The following SPATS2 variants were observed in gnomAD, a reference collection of about 807,000 sequenced individuals.
SPATS2 encodes the protein spermatogenesis-associated serine-rich protein 2.
In SPATS2, 38 loss-of-function variants were observed where a neutral mutation model predicts 63.7. The observed-to-expected ratio is 0.60, with a 90% CI of 0.46 to 0.78. The LOEUF (loss-of-function observed/expected upper bound fraction) is 0.78. Among genes scored for constraint, SPATS2 ranks in the 30% least tolerant of loss-of-function variants. SPATS2 has a pLI of 0.00. For synonymous variants in SPATS2, 207 were observed against 232.9 expected (o/e 0.89, Z 1.01); for missense variants, 588 against 666.2 (o/e 0.88, Z 1.29).
chr12:49,459,918 A>G (rs1251852480), intron 2 of SPATS2, among the ~76,000 whole-genome samples: 1 of 132,448 alleles, frequency 7.6e-6, no homozygotes, highest in Non-Finnish European at 1.6e-5. Flanking sequence ...CCTGGCCAAT[A>G]TGGTGAAACC....
intron 4 of SPATS2, among the ~76,000 whole-genome samples, chr12:49,486,056 G>A (rs1030157406): frequency 1.3e-5 from 2 of 151,966 alleles, no homozygotes; most frequent in African/African-American, 4.8e-5. Flanking sequence ...ACTGCACCTG[G>A]CCTCTCTGTC....
At chr12:49,488,462 C>G (rs1946331974) in intron 4 of SPATS2, among the ~76,000 whole-genome samples, 1 of 151,784 alleles carries the variant, frequency 6.6e-6, no homozygotes, top group Non-Finnish European at 1.5e-5. Context: ...AGTTCAAGAC[C>G]AGCCTGGCCA....
At chr12:49,382,260 T>C (rs192684240) in intron 2 of SPATS2, among the ~76,000 whole-genome samples, 1 of 152,232 alleles carries the variant, frequency 6.6e-6, no homozygotes, top group Non-Finnish European at 1.5e-5. Flanking sequence ...ATAGCACTTA[T>C]CCTAGTGTAG....
intron 2 of SPATS2, chr12:49,442,400 G>T (rs1260847682): frequency 6.5e-6 from 1 of 152,908 alleles, no homozygotes. Context: ...ATAAGACAGG[G>T]TATTTGATAT....
chr12:49,378,028 A>G (rs1379248551), intron 2 of SPATS2, among the ~76,000 whole-genome samples: 1 of 152,162 alleles, frequency 6.6e-6, no homozygotes, highest in Non-Finnish European at 1.5e-5. Context: ...GCTGGAGCAC[A>G]ATGGCACGAT....
intron 2 of SPATS2, among the ~76,000 whole-genome samples, chr12:49,444,434 G>A (rs1263662554): frequency 2.0e-5 from 3 of 151,900 alleles, no homozygotes; most frequent in Non-Finnish European, 4.4e-5. Context: ...CCCCAGGGTG[G>A]TCTTGAACTC....
chr12:49,431,902 T>C (rs922079785), intron 2 of SPATS2, among the ~76,000 whole-genome samples: 3 of 152,090 alleles, frequency 2.0e-5, no homozygotes, highest in African/African-American at 7.2e-5. Context: ...TGTGGTAGTG[T>C]GCACCTGTAG....
intron 2 of SPATS2, among the ~76,000 whole-genome samples, chr12:49,413,530 G>A (rs1007777297): frequency 6.6e-5 from 10 of 151,912 alleles, no homozygotes; most frequent in Admixed American, 2.6e-4. Context: ...TTGCCAGCAC[G>A]TCATATTCCA....
chr12:49,482,434 A>T (rs1178717163), intron 3 of SPATS2, among the ~76,000 whole-genome samples: 2 of 152,134 alleles, frequency 1.3e-5, no homozygotes, highest in Non-Finnish European at 1.5e-5. Flanking sequence ...TCTATACCAG[A>T]TGAAACAAAA....
chr12:49,407,084 A>C (rs1378745090), intron 2 of SPATS2, among the ~76,000 whole-genome samples: 2 of 152,188 alleles, frequency 1.3e-5, no homozygotes, highest in African/African-American at 4.8e-5. Flanking sequence ...AAACCTTGGA[A>C]TCATCCTTGA....
At chr12:49,480,245 A>G (rs1946183562) in intron 3 of SPATS2, among the ~76,000 whole-genome samples, 1 of 152,174 alleles carries the variant, frequency 6.6e-6, no homozygotes, top group African/African-American at 2.4e-5. Flanking sequence ...CTTTTCCATG[A>G]TGGAGATAAT....
At chr12:49,486,754 T>A (rs1592447568) in intron 4 of SPATS2, among the ~76,000 whole-genome samples, 1 of 149,598 alleles carries the variant, frequency 6.7e-6, no homozygotes, top group Admixed American at 6.7e-5. Context: ...GCACTCCAGC[T>A]TAGGCGACAG....
chr12:49,372,940 TTG>T (rs56940721), intron 2 of SPATS2, among the ~76,000 whole-genome samples: 26,139 of 129,116 alleles, frequency 0.2, 2,599 homozygotes, highest in East Asian at 0.29. Context: ...ATTTTCTGTT[TTG>T]TGTGTGTGTG....
intron 3 of SPATS2, among the ~76,000 whole-genome samples, chr12:49,477,581 G>A (rs752715771): frequency 3.9e-5 from 6 of 152,102 alleles, no homozygotes; most frequent in African/African-American, 9.7e-5. Flanking sequence ...TACAACCTCC[G>A]GAGAGGATAC....
At chr12:49,490,441 T>A (rs1373634660) in intron 5 of SPATS2, 2 of 496,684 alleles carry the variant, frequency 4.0e-6, no homozygotes, top group Non-Finnish European at 7.2e-6. Flanking sequence ...ATTAGTCTCT[T>A]CTTAGAAGAA....
In SPATS2 at chr12:49,419,366, C is replaced by G. The variant is rs1317037651; in HGVS notation, c.-243-41404C>G. Among the ~76,000 whole-genome samples the G allele has an allele frequency of 3.9e-5, 6 of 152,100 alleles. No individual in the cohort carries two copies. The East Asian group carries it at 1.2e-3, about 29-fold the overall frequency. On this transcript the variant is annotated intron_variant, in intron 2 of 13. Coordinates refer to ENST00000552918, the MANE Select transcript of SPATS2 (RefSeq NM_023071.4). ...CAATATTTTTCTGACATGTTACAAG[C>G]CTGGGAGTGGTTTGGAAGGCTTTGA...
chr12:49,411,426 A>G (rs1944794955), intron 2 of SPATS2, among the ~76,000 whole-genome samples: 1 of 152,146 alleles, frequency 6.6e-6, no homozygotes, highest in East Asian at 1.9e-4. Context: ...GAAATGTGAA[A>G]TGAAGCATTA....
At chr12:49,411,203 G>A (rs1414375060) in intron 2 of SPATS2, among the ~76,000 whole-genome samples, 1 of 152,056 alleles carries the variant, frequency 6.6e-6, no homozygotes, top group African/African-American at 2.4e-5. Context: ...ATCTAATGTA[G>A]TAATAGAAAA....
chr12:49,438,091 A>C (rs981733598), intron 2 of SPATS2, among the ~76,000 whole-genome samples: 1 of 152,110 alleles, frequency 6.6e-6, no homozygotes, highest in African/African-American at 2.4e-5. Context: ...CCACCAAGAC[A>C]GTTCCCTGAT....
Sources: gnomAD v4.1 joint callset for allele counts (sites outside exome capture counted in the v4.1 genomes callset) on GRCh38, gnomAD v4.1.1 for gene constraint, MANE v1.5 for transcripts, NCBI Gene and HGNC (gene_info 2026-07-23, HGNC 2026-07-21) for gene names.